Variants in POLR3B observed in about 807,000 individuals in gnomAD.
The protein encoded by POLR3B is RNA polymerase III subunit B, also known as DNA-directed RNA polymerase III subunit RPC2.
Under a neutral mutation model 147.4 loss-of-function variants are expected in POLR3B, and 96 were observed. The ratio of observed to expected loss-of-function variants is 0.65; its 90% CI spans 0.55 to 0.77. POLR3B has a LOEUF of 0.77. Among genes scored for constraint, POLR3B ranks in the 30% least tolerant of loss-of-function variants. POLR3B has a pLI of 0.00. For missense variants in POLR3B, 1,036 were observed against 1,413.5 expected (o/e 0.73, Z 4.28); for synonymous variants, 461 against 485.9 (o/e 0.95, Z 0.67).
chr12:106,369,691 A>G lies in POLR3B; in HGVS notation c.404+8A>G, dbSNP rs755021784. 2.4e-5 allele frequency: 38 copies of G among 1,564,344 alleles called. No homozygotes were observed. Among genetic ancestry groups the G allele is most frequent in the African/African-American group, 8.1e-5 (6 of 73,876 alleles). On this transcript the variant is annotated splice_region_variant and intron_variant, in intron 6 of 27. Coordinates refer to ENST00000228347, the MANE Select transcript of POLR3B (RefSeq NM_018082.6). ...TGCCTTACCTATCGGCAGGTGAGAAATGAAATCCGTATTAGAGCCACACTG... is the reference window on the plus strand; with the variant it reads ...TGCCTTACCTATCGGCAGGTGAGAAGTGAAATCCGTATTAGAGCCACACTG...
Position 106,496,609 on chromosome 12 carries a change from A to G in POLR3B, c.2818-143A>G, listed in dbSNP as rs1213735886. ...GTATTGAGAGGCGTAAAATTAGATC[A>G]CACATGTCAAGCTTAAATACTGCTT... On this transcript the variant is annotated intron_variant, in intron 24 of 27. Transcript: ENST00000228347. 6.8e-6 allele frequency: 5 copies of G among 736,082 alleles called. No homozygotes were observed. In the African/African-American group the frequency reaches 8.7e-5, roughly 13 times the overall value. 45.6% of individuals were successfully genotyped at this position (736,082 alleles called of 1,614,324 possible).
At chr12:106,480,356 T>G (rs1465428982) in intron 23 of POLR3B, among the ~76,000 whole-genome samples, 8 of 152,210 alleles carry the variant, frequency 5.3e-5, no homozygotes, top group Admixed American at 1.3e-4. Context: ...GGTCAGGTAG[T>G]GAACTACTTT....
chr12:106,456,734 G>C (rs1359312211), intron 20 of POLR3B, among the ~76,000 whole-genome samples: 1 of 152,108 alleles, frequency 6.6e-6, no homozygotes, highest in African/African-American at 2.4e-5. Context: ...AATTTCTCTA[G>C]ACCTCACTCC....
intron 1 of POLR3B, 31 bp downstream of exon 1, chr12:106,357,982 G>C (rs770548385): frequency 1.2e-6 from 2 of 1,609,068 alleles, no homozygotes; most frequent in Non-Finnish European, 1.7e-6. Context: ...GAGCGTCAGG[G>C]ACAAGGATGC....
intron 20 of POLR3B, among the ~76,000 whole-genome samples, chr12:106,455,166 C>T (rs183943318): frequency 4.1e-4 from 63 of 152,282 alleles, no homozygotes; most frequent in African/African-American, 1.3e-3. Context: ...GGCCAAGTGA[C>T]GAAAGTTAAA....
chr12:106,446,863 A>G (rs1290141407), intron 19 of POLR3B, among the ~76,000 whole-genome samples: 1 of 152,248 alleles, frequency 6.6e-6, no homozygotes, highest in Non-Finnish European at 1.5e-5. Flanking sequence ...CTCTGTGGAC[A>G]CTGAAATAGC....
chr12:106,469,617 CTTCAGGAGCT>C (rs2038060544), intron 23 of POLR3B, among the ~76,000 whole-genome samples: 1 of 152,132 alleles, frequency 6.6e-6, no homozygotes, highest in Non-Finnish European at 1.5e-5. Flanking sequence ...TTAGTGCTTC[CTTCAGGAGCT>C]CTTGTAAGGC....
At chr12:106,395,087 C>G (rs1394245434) in intron 10 of POLR3B, among the ~76,000 whole-genome samples, 1 of 152,080 alleles carries the variant, frequency 6.6e-6, no homozygotes, top group Non-Finnish European at 1.5e-5. Context: ...AATAAATTAG[C>G]CAGGCGTGGT....
At chr12:106,390,698 G>A (rs1275564583) in intron 9 of POLR3B, among the ~76,000 whole-genome samples, 1 of 117,618 alleles carries the variant, frequency 8.5e-6, no homozygotes, top group African/African-American at 4.2e-5. Context: ...CTGAGAACTT[G>A]TTTGCAAAAA....
intron 19 of POLR3B, among the ~76,000 whole-genome samples, 168 bp downstream of exon 19, chr12:106,444,758 G>A (rs1158182113): frequency 6.6e-6 from 1 of 152,158 alleles, no homozygotes; most frequent in African/African-American, 2.4e-5. Flanking sequence ...TGCAAGGCTT[G>A]GTGCCCTGCT....
chr12:106,396,309 G>T (rs2036978419), intron 10 of POLR3B, among the ~76,000 whole-genome samples: 1 of 152,190 alleles, frequency 6.6e-6, no homozygotes, highest in African/African-American at 2.4e-5. Flanking sequence ...CAACTGACCT[G>T]CTTTCTTCAG....
At chr12:106,360,117 C>T (rs1379206223) in intron 1 of POLR3B, among the ~76,000 whole-genome samples, 1 of 152,210 alleles carries the variant, frequency 6.6e-6, no homozygotes. Context: ...CAGCCCAGAA[C>T]GACTGTCCTC....
chr12:106,374,114 T>G (rs1836678232), intron 6 of POLR3B, among the ~76,000 whole-genome samples: 1 of 152,226 alleles, frequency 6.6e-6, no homozygotes, highest in Admixed American at 6.5e-5. Context: ...AAAATACCTT[T>G]ATTCTCTTCC....
rs116235760 is a variant in POLR3B at position 106,392,360 on chromosome 12, G to A, written c.724-671G>A. Among the ~76,000 whole-genome samples the A allele has an allele frequency of 2.9e-3, 434 of 151,998 alleles. 2 individuals carry two copies. Among genetic ancestry groups the A allele is most frequent in the African/African-American group, 9.8e-3 (407 of 41,466 alleles). ...GTATTTTTAGTAGAGATGAGGTTTC[G>A]CCACGTTGGCCCAGCTGGTCTTGAA... On this transcript the variant is annotated intron_variant, in intron 9 of 27. Transcript: ENST00000228347.
At chr12:106,363,941 A>C (rs2136879342) in intron 2 of POLR3B, 39 bp downstream of exon 2, 1 of 1,460,296 alleles carries the variant, frequency 6.8e-7, no homozygotes, top group Middle Eastern at 1.9e-4. Context: ...GTTATTTTTC[A>C]GATGAAAAAG....
At chr12:106,501,014 C>G (rs2038591703) in intron 25 of POLR3B, among the ~76,000 whole-genome samples, 1 of 152,186 alleles carries the variant, frequency 6.6e-6, no homozygotes, top group Admixed American at 6.5e-5. Context: ...AGAAGATTAT[C>G]TGTGGTAGCC....
intron 23 of POLR3B, among the ~76,000 whole-genome samples, chr12:106,468,426 A>G (rs1219022122): frequency 6.6e-6 from 1 of 151,776 alleles, no homozygotes; most frequent in Non-Finnish European, 1.5e-5. Context: ...GATTTTTTTG[A>G]CAGGTTTTTG....
intron 23 of POLR3B, among the ~76,000 whole-genome samples, chr12:106,467,938 A>T (rs534620074): frequency 6.6e-6 from 1 of 152,072 alleles, no homozygotes; most frequent in East Asian, 1.9e-4. Context: ...TCTCTGCCAG[A>T]TTTGGTATCA....
chr12:106,446,078 G>A (rs2037718786), intron 19 of POLR3B, among the ~76,000 whole-genome samples: 2 of 152,256 alleles, frequency 1.3e-5, no homozygotes, highest in Admixed American at 1.3e-4. Flanking sequence ...CCTCAGTAGC[G>A]GTGTAGGCTG....
Sources: allele counts gnomAD v4.1 joint callset (sites outside exome capture counted in the v4.1 genomes callset), GRCh38; gene constraint gnomAD v4.1.1; transcripts MANE v1.5; gene names NCBI Gene and HGNC (gene_info 2026-07-23, HGNC 2026-07-21).